Variants in ALDH1A2 observed in about 807,000 individuals in gnomAD.
The protein encoded by ALDH1A2 is retinal dehydrogenase 2.
Under a neutral mutation model 60.3 loss-of-function variants are expected in ALDH1A2, and 27 were observed. The ratio of observed to expected loss-of-function variants is 0.45; its 90% CI spans 0.33 to 0.62. The LOEUF (loss-of-function observed/expected upper bound fraction) is 0.62. ALDH1A2 is among the 20% of genes least tolerant of loss of function. ALDH1A2 has a pLI of 0.02. For missense variants in ALDH1A2, 581 were observed against 643.8 expected, an observed-to-expected ratio of 0.90 and a Z score of 1.06; for synonymous variants, 289 against 232.4, an observed-to-expected ratio of 1.24 and a Z score of -2.21.
rs972285729 is a variant in ALDH1A2, at chr15:58,026,241, G to A, written c.118-11960C>T. ...AAAGATAACACACTATGATAAAGTA[G>A]GATTTTTACCAGGAATGCAAGGATG... On this transcript the variant is annotated intron_variant, in intron 1 of 12. Transcript: ENST00000249750. Among the ~76,000 whole-genome samples, 2 of 152,070 alleles carry A rather than the reference G, an allele frequency of 1.3e-5. 1 individual carries two copies.
chr15:57,970,826 A>ACTC (rs1290088355), intron 7 of ALDH1A2, among the ~76,000 whole-genome samples: 1 of 152,048 alleles, frequency 6.6e-6, no homozygotes, highest in African/African-American at 2.4e-5. Flanking sequence ...AAACAGATTT[A>ACTC]CTCTCTGCTT....
At chr15:57,973,157 TAAAGA>T (rs377683767) in intron 7 of ALDH1A2, among the ~76,000 whole-genome samples, 16 of 152,326 alleles carry the variant, frequency 1.1e-4, no homozygotes, top group African/African-American at 3.1e-4. Flanking sequence ...TTAACCTGAG[TAAAGA>T]AAACACTATA....
intron 4 of ALDH1A2, among the ~76,000 whole-genome samples, chr15:58,004,693 T>TTGTGTGTGTGTGTGTGTGTG (rs138706461): frequency 2.9e-5 from 4 of 137,134 alleles, no homozygotes; most frequent in African/African-American, 7.9e-5. Context: ...ATCCCATGAT[T>TTGTGTGTGTGTGTGTGTGTG]TGTGTGTGTG....
intron 4 of ALDH1A2, among the ~76,000 whole-genome samples, chr15:58,000,696 T>C (rs1895235592): frequency 6.6e-6 from 1 of 151,936 alleles, no homozygotes; most frequent in Admixed American, 6.6e-5. Flanking sequence ...CGGGATGCTA[T>C]ATGGTGATTC....
chr15:58,053,360 C>CA (rs1332882544), intron 1 of ALDH1A2, among the ~76,000 whole-genome samples: 1 of 151,812 alleles, frequency 6.6e-6, no homozygotes, highest in Non-Finnish European at 1.5e-5. Context: ...TAAAGTGTTC[C>CA]AAAAAAGCAA....
intron 1 of ALDH1A2, among the ~76,000 whole-genome samples, chr15:58,014,853 C>A (rs1895743533): frequency 6.6e-6 from 1 of 152,142 alleles, no homozygotes; most frequent in Admixed American, 6.5e-5. Context: ...GGCTATCTTG[C>A]AGAGCCAAAA....
intron 1 of ALDH1A2, among the ~76,000 whole-genome samples, chr15:58,029,665 T>C (rs1001287369): frequency 2.7e-5 from 4 of 148,952 alleles, no homozygotes; most frequent in Non-Finnish European, 5.9e-5. Flanking sequence ...GCAAGACTAA[T>C]AAAAAAGAGA....
chr15:57,962,201 TCCAAATA>T (rs1184820542), intron 9 of ALDH1A2, 25 bp from the exon 10 acceptor site: 1 of 1,611,144 alleles, frequency 6.2e-7, no homozygotes, highest in Non-Finnish European at 8.5e-7. Context: ...ACTTAATGAC[TCCAAATA>T]TAACCTTCTA....
intron 1 of ALDH1A2, among the ~76,000 whole-genome samples, chr15:58,056,818 C>A (rs1896906804): frequency 1.3e-5 from 2 of 151,938 alleles, no homozygotes; most frequent in African/African-American, 2.4e-5. Flanking sequence ...AAACACAAAT[C>A]AAAGTAGCAA....
intron 4 of ALDH1A2, among the ~76,000 whole-genome samples, chr15:58,001,801 C>A (rs1407785446): frequency 6.6e-6 from 1 of 151,732 alleles, no homozygotes; most frequent in Non-Finnish European, 1.5e-5. Flanking sequence ...ATCTTCTTAG[C>A]AAATATGAGG....
rs768336453 is a variant in ALDH1A2, at chr15:57,955,158, A to G, written c.*39T>C. ...CCCTACAGAGAAAGCAGAGAGGGAC[A>G]GACGTGCAGGCTGGGCTTCATCCTC... On this transcript the variant is annotated 3_prime_UTR_variant, in exon 13 of 13. Coordinates refer to ENST00000249750, the MANE Select transcript of ALDH1A2 (RefSeq NM_003888.4). 6.3e-7 allele frequency: 1 copy of G among 1,588,516 alleles called. No homozygotes were observed. The highest frequency in any genetic ancestry group is 8.6e-7 in the Non-Finnish European group (1 of 1,156,636).
intron 1 of ALDH1A2, among the ~76,000 whole-genome samples, chr15:58,053,059 T>A (rs1410558001): frequency 6.6e-6 from 1 of 152,104 alleles, no homozygotes; most frequent in African/African-American, 2.4e-5. Context: ...TGGACCACAC[T>A]CTGTGTCAAG....
rs149918829 is a variant in ALDH1A2, at chr15:58,028,136, A to G, written c.118-13855T>C. On this transcript the variant is annotated intron_variant, in intron 1 of 12. Transcript: ENST00000249750. Reference sequence around the variant, plus strand: ...GGTTGAAATGAAGGAAAAAATGTTAAGGGCAGCCAGAGAGAAAGGTAAGGT... The same window carrying G: ...GGTTGAAATGAAGGAAAAAATGTTAGGGGCAGCCAGAGAGAAAGGTAAGGT... Among the ~76,000 whole-genome samples the G allele has an allele frequency of 2.4e-3, 365 of 152,334 alleles. 9 individuals carry two copies. In the East Asian group the frequency reaches 0.061, roughly 26 times the overall value.
intron 1 of ALDH1A2, chr15:58,038,677 G>T (rs191337743): frequency 6.6e-6 from 1 of 151,866 alleles, no homozygotes; most frequent in East Asian, 1.9e-4. Flanking sequence ...ACACACCAAT[G>T]TCAGTTGTGA....
intron 7 of ALDH1A2, among the ~76,000 whole-genome samples, chr15:57,975,862 C>G (rs1447729706): frequency 6.6e-6 from 1 of 151,882 alleles, no homozygotes; most frequent in Non-Finnish European, 1.5e-5. Context: ...CAAAGGGGCA[C>G]TAGGAAACAT....
chr15:57,964,142 C>T (rs1893820662), intron 8 of ALDH1A2, 73 bp from the exon 9 acceptor site: 84 of 1,538,574 alleles, frequency 5.5e-5, no homozygotes, highest in Non-Finnish European at 7.3e-5. Flanking sequence ...GCCTCCCTCC[C>T]CTCTCCAAAG....
At chr15:57,995,668 G>C (rs1322123500) in intron 4 of ALDH1A2, among the ~76,000 whole-genome samples, 1 of 152,018 alleles carries the variant, frequency 6.6e-6, no homozygotes, top group Admixed American at 6.6e-5. Flanking sequence ...GTAGTGATGA[G>C]ACATAGGCAT....
At chr15:57,995,231 A>C (rs1293084086) in intron 4 of ALDH1A2, 92 bp from the exon 5 acceptor site, 3 of 755,098 alleles carry the variant, frequency 4.0e-6, no homozygotes, top group African/African-American at 3.5e-5. Context: ...AAAAAAAAAA[A>C]AAAAACAAAC....
At chr15:58,061,609 AC>A (rs57533842) in intron 1 of ALDH1A2, among the ~76,000 whole-genome samples, 6,573 of 129,484 alleles carry the variant, frequency 0.051, 135 homozygotes, top group East Asian at 0.069. Context: ...AAAAAAAAAA[AC>A]AAAAAAAAAA....
Sources: gnomAD v4.1 joint callset for allele counts (sites outside exome capture counted in the v4.1 genomes callset) on GRCh38, gnomAD v4.1.1 for gene constraint, MANE v1.5 for transcripts, NCBI Gene and HGNC (gene_info 2026-07-23, HGNC 2026-07-21) for gene names.